Variants in MFF observed in about 807,000 individuals in gnomAD.
MFF encodes mitochondrial fission factor.
MFF carries 12 observed loss-of-function variants against 36.9 expected under a neutral mutation model. The observed-to-expected ratio is 0.33, with a 90% CI of 0.21 to 0.53. MFF has a LOEUF of 0.53. MFF is among the 20% of genes least tolerant of loss of function. The pLI is 0.95. For missense variants in MFF, 348 were observed against 366.6 expected (o/e 0.95, Z 0.42); for synonymous variants, 99 against 126.2 (o/e 0.78, Z 1.44).
intron 6 of MFF, chr2:227,351,901 TCTC>T (rs1316732512): frequency 6.6e-6 from 1 of 152,260 alleles, no homozygotes; most frequent in East Asian, 1.9e-4. Context: ...CTCTAGCACG[TCTC>T]CTGATCTCAG....
chr2:227,332,362 CTT>C (rs1394844710), intron 3 of MFF, 55 bp from the exon 4 acceptor site: 3 of 1,343,590 alleles, frequency 2.2e-6, no homozygotes, highest in African/African-American at 1.6e-5. Flanking sequence ...AAATCACTGT[CTT>C]TTTAAAAAAC....
rs1385894395 is a variant in MFF, at chr2:227,357,119, G to A, written c.*2G>A. On this transcript the variant is annotated 3_prime_UTR_variant, in exon 9 of 9. Transcript: ENST00000304593. ...AGCTGGCTCTGGTTTCGCCGCTAGA[G>A]GTAACATCAGCCCTCAAAAATACTG... 5 of 1,611,104 alleles carry A rather than the reference G, an allele frequency of 3.1e-6. No individual in the cohort carries two copies. The highest frequency in any genetic ancestry group is 4.2e-6 in the Non-Finnish European group (5 of 1,179,632).
chr2:227,342,861 G>T, intron 5 of MFF: 1 of 1,484,794 alleles, frequency 6.7e-7, no homozygotes, highest in South Asian at 1.1e-5. Context: ...TAGTTGTTTT[G>T]ATTTTGAAGG....
At chr2:227,335,399 T>C (rs984143621) in intron 4 of MFF, among the ~76,000 whole-genome samples, 4 of 152,146 alleles carry the variant, frequency 2.6e-5, no homozygotes, top group Non-Finnish European at 5.9e-5. Flanking sequence ...GGTTTCCTTT[T>C]GGGCTGATGA....
At chr2:227,336,637 A>G (rs10172611) in intron 4 of MFF, among the ~76,000 whole-genome samples, 145,992 of 152,298 alleles carry the variant, frequency 0.96, 70,192 homozygotes, top group East Asian at 1. Flanking sequence ...ATTCTACAGC[A>G]GTTATATCCA....
intron 4 of MFF, among the ~76,000 whole-genome samples, chr2:227,334,385 G>A (rs6726530): frequency 0.1 from 15,178 of 152,140 alleles, 1,210 homozygotes; most frequent in African/African-American, 0.21. Flanking sequence ...GCTTATAGAA[G>A]GGTCCAGTAG....
intron 7 of MFF, among the ~76,000 whole-genome samples, chr2:227,352,841 G>A (rs1421605053): frequency 6.6e-6 from 1 of 152,154 alleles, no homozygotes; most frequent in African/African-American, 2.4e-5. Context: ...TTTATAGGTG[G>A]TTTATAATAA....
intron 6 of MFF, among the ~76,000 whole-genome samples, chr2:227,349,898 A>C (rs2075900609): frequency 6.6e-6 from 1 of 152,100 alleles, no homozygotes. Flanking sequence ...ATCTTTGGTC[A>C]TATGCCATCA....
intron 2 of MFF, chr2:227,330,336 A>T (rs2074479394): frequency 3.7e-6 from 1 of 268,992 alleles, no homozygotes; most frequent in South Asian, 1.2e-4. Context: ...GTTTACGCAG[A>T]GAGTATGTGT....
chr2:227,352,719 C>T, intron 7 of MFF, 146 bp downstream of exon 7: 1 of 687,684 alleles, frequency 1.5e-6, no homozygotes, highest in Admixed American at 2.1e-5. Context: ...TTGCTTCTCT[C>T]TAAGAACAGT....
intron 5 of MFF, among the ~76,000 whole-genome samples, chr2:227,342,411 CAATT>C (rs1377235858): frequency 6.6e-6 from 1 of 152,062 alleles, no homozygotes; most frequent in Non-Finnish European, 1.5e-5. Flanking sequence ...GAGGAAAAAA[CAATT>C]GATATAATAC....
At chr2:227,339,056 G>A (rs1205047897) in intron 4 of MFF, among the ~76,000 whole-genome samples, 2 of 151,908 alleles carry the variant, frequency 1.3e-5, no homozygotes, top group African/African-American at 4.8e-5. Flanking sequence ...ACAAAAATTA[G>A]CCAGGTGCGG....
intron 3 of MFF, 83 bp downstream of exon 3, chr2:227,330,929 T>A: frequency 3.4e-6 from 4 of 1,160,258 alleles, no homozygotes; most frequent in Non-Finnish European, 4.9e-6. Flanking sequence ...TTTCTAAATG[T>A]TATTTAGAAA....
chr2:227,343,367 CACA>C (rs2075521108), intron 5 of MFF, among the ~76,000 whole-genome samples: 1 of 152,108 alleles, frequency 6.6e-6, no homozygotes, highest in Non-Finnish European at 1.5e-5. Context: ...ACTCATGGAG[CACA>C]ACGTTTTGGT....
chr2:227,341,006 A>G (rs1392234480), intron 5 of MFF, among the ~76,000 whole-genome samples: 3 of 145,452 alleles, frequency 2.1e-5, no homozygotes, highest in African/African-American at 5.0e-5. Context: ...TTCCTCATTA[A>G]TGTTTTGGCC....
intron 6 of MFF, chr2:227,352,303 T>A (rs1413367546): frequency 2.2e-6 from 1 of 464,908 alleles, no homozygotes; most frequent in African/African-American, 2.0e-5. Flanking sequence ...CTTTGTTTCT[T>A]TGATCAATAG....
intron 6 of MFF, chr2:227,351,588 C>T (rs562907439): frequency 4.3e-4 from 65 of 152,258 alleles, no homozygotes; most frequent in African/African-American, 1.5e-3. Flanking sequence ...TTATATGGAT[C>T]CAACACTCCA....
At chr2:227,332,344 T>G in intron 3 of MFF, 75 bp from the exon 4 acceptor site, 1 of 1,181,214 alleles carries the variant, frequency 8.5e-7, no homozygotes, top group Non-Finnish European at 1.2e-6. Flanking sequence ...GTAAATACAT[T>G]TTAACAAAAA....
chr2:227,356,242 G>T (rs1192169789), intron 8 of MFF, among the ~76,000 whole-genome samples: 5 of 152,226 alleles, frequency 3.3e-5, no homozygotes, highest in African/African-American at 1.2e-4. Context: ...ATACACACAT[G>T]TGAAGAAGGC....
Sources: allele counts gnomAD v4.1 joint callset (sites outside exome capture counted in the v4.1 genomes callset), GRCh38; gene constraint gnomAD v4.1.1; transcripts MANE v1.5; gene names NCBI Gene and HGNC (gene_info 2026-07-23, HGNC 2026-07-21).